The following YWHAB variants were observed in gnomAD, a reference collection of about 807,000 sequenced individuals.
YWHAB encodes tyrosine 3-monooxygenase/tryptophan 5-monooxygenase activation protein beta.
In YWHAB, 2 loss-of-function variants were observed where a neutral mutation model predicts 28.5. The ratio of observed to expected loss-of-function variants is 0.07; its 90% confidence interval spans 0.03 to 0.22. The LOEUF (loss-of-function observed/expected upper bound fraction) is 0.22. YWHAB is among the 10% of genes least tolerant of loss of function. The pLI is 1.00. For missense variants in YWHAB, 148 were observed against 297.1 expected (o/e 0.50, Z 3.69); for synonymous variants, 103 against 104.7 (o/e 0.98, Z 0.10).
intron 4 of YWHAB, chr20:44,905,354 TAG>T (rs1778635275): frequency 9.4e-6 from 4 of 427,540 alleles, no homozygotes; most frequent in African/African-American, 8.2e-5. Context: ...CGGGTGGTTG[TAG>T]AAAGTTCCAG....
rs751971910 is a variant in YWHAB, at chr20:44,901,668, G to T, written c.135G>T (p.Leu45=). Residue 45 remains leucine (L), a synonymous_variant, in exon 2 of 6, where the codon CTG becomes CTT. Coordinates refer to ENST00000353703, the MANE Select transcript of YWHAB (RefSeq NM_139323.4). The part of the protein sequence containing the change: ...GHELSNEERN[L]LSVAYKNVVG... The stretch of plus-strand genomic sequence containing the variant: ...AACTCTCCAACGAAGAGAGAAATCT[G>T]CTCTCTGTTGCCTACAAGAATGTGG... 1 of 1,613,616 alleles carries T rather than the reference G, an allele frequency of 6.2e-7. No homozygotes were observed. Among genetic ancestry groups the T allele is most frequent in the Admixed American group, 1.7e-5 (1 of 59,988 alleles).
At chr20:44,893,065 A>T (rs2066572733) in intron 1 of YWHAB, among the ~76,000 whole-genome samples, 1 of 152,056 alleles carries the variant, frequency 6.6e-6, no homozygotes, top group African/African-American at 2.4e-5. Flanking sequence ...CACTGCCTTT[A>T]TTTAAAAAAA....
At chr20:44,903,036 T>C (rs1245764340) in intron 2 of YWHAB, 5 of 986,016 alleles carry the variant, frequency 5.1e-6, no homozygotes, top group East Asian at 1.1e-4. Context: ...TCTTAACCAG[T>C]TTTTCAGGAT....
At chr20:44,904,210 A>G (rs891198316) in intron 3 of YWHAB, 94 bp downstream of exon 3, 1 of 1,481,430 alleles carries the variant, frequency 6.8e-7, no homozygotes, top group Non-Finnish European at 9.3e-7. Flanking sequence ...TTCGCCATAG[A>G]CACCAATGTC....
chr20:44,892,242 ATTCTCAT>A (rs2066566872), intron 1 of YWHAB, among the ~76,000 whole-genome samples: 1 of 152,098 alleles, frequency 6.6e-6, no homozygotes, highest in South Asian at 2.1e-4. Context: ...TTTCTTCCTT[ATTCTCAT>A]TTCTTTATCT....
intron 1 of YWHAB, among the ~76,000 whole-genome samples, chr20:44,900,146 C>G (rs2066618306): frequency 6.6e-6 from 1 of 151,974 alleles, no homozygotes. Context: ...ACTCTGGGCT[C>G]AAGTGATCCT....
intron 1 of YWHAB, among the ~76,000 whole-genome samples, chr20:44,894,505 T>C (rs1192744256): frequency 6.6e-6 from 1 of 152,214 alleles, no homozygotes; most frequent in Non-Finnish European, 1.5e-5. Context: ...ACATTTAACA[T>C]ATATGTCCAT....
At chr20:44,888,684 A>G (rs1273834051) in intron 1 of YWHAB, among the ~76,000 whole-genome samples, 1 of 152,252 alleles carries the variant, frequency 6.6e-6, no homozygotes, top group East Asian at 1.9e-4. Flanking sequence ...ATTGTGGAGC[A>G]TATACCCATT....
chr20:44,901,462 A>G, intron 1 of YWHAB, 69 bp from the exon 2 acceptor site: 1 of 1,467,540 alleles, frequency 6.8e-7, no homozygotes, highest in Non-Finnish European at 9.2e-7. Flanking sequence ...TTGGAAGAAG[A>G]TTCACACACG....
chr20:44,886,620 G>A (rs62204607), intron 1 of YWHAB: 2 of 152,144 alleles, frequency 1.3e-5, no homozygotes, highest in African/African-American at 4.8e-5. Context: ...AGATTCTTTT[G>A]TGTCTTTACC....
At position 44,906,557 on chromosome 20, in the gene YWHAB, A is replaced by C; in HGVS notation, c.*119A>C. 1 of 893,826 alleles carries C rather than the reference A, an allele frequency of 1.1e-6. No homozygotes were observed. Among genetic ancestry groups the C allele is most frequent in the Non-Finnish European group, 1.6e-6 (1 of 619,780 alleles). 55.4% of individuals were successfully genotyped at this position (893,826 alleles called of 1,614,324 possible). ...ATCGTACGTCGACTTTCGATTTTTC[A>C]CAGCCTCAGCCTAGGAAAAATGGTT... On this transcript the variant is annotated 3_prime_UTR_variant, in exon 6 of 6. Coordinates refer to ENST00000353703, the MANE Select transcript of YWHAB (RefSeq NM_139323.4).
At position 44,901,630 on chromosome 20, in the gene YWHAB, G is replaced by C. The variant is rs761774775; in HGVS notation, c.97G>C (p.Glu33Gln). 10 of 1,614,164 alleles carry C rather than the reference G, an allele frequency of 6.2e-6. No individual in the cohort carries two copies. The highest frequency in any genetic ancestry group is 8.5e-6 in the Non-Finnish European group (10 of 1,180,018). Reference protein sequence around the residue: ...DMAAAMKAVTEQGHELSNEER... With the variant: ...DMAAAMKAVTQQGHELSNEER... ...GGCTGCAGCCATGAAGGCAGTCACA[G>C]AACAGGGGCATGAACTCTCCAACGA... The change falls in exon 2 of 6, where the codon GAA becomes CAA. Residue 33 changes from glutamate (E) to glutamine (Q), a missense_variant. Around this residue, in one of 2 missense-constraint regions of YWHAB, gnomAD observed 110 missense variants for 177.9 expected, o/e 0.62. Transcript: ENST00000353703.
At position 44,893,045 on chromosome 20, in the gene YWHAB, T is replaced by C. The variant is rs79248642; in HGVS notation, c.-4+7159T>C. 8.9e-3 allele frequency among the ~76,000 whole-genome samples: 1,351 copies of C among 152,276 alleles called. 56 individuals are homozygous for C. In the East Asian group the frequency reaches 0.1, roughly 11 times the overall value. ...GCCACAGCTGTCATTTTCAACCCTT[T>C]CTGTCTTTGCACTGCCTTTATTTAA... On this transcript the variant is annotated intron_variant, in intron 1 of 5. Coordinates refer to ENST00000353703, the MANE Select transcript of YWHAB (RefSeq NM_139323.4).
chr20:44,906,154 C>A, intron 5 of YWHAB, 58 bp downstream of exon 5: 2 of 1,379,080 alleles, frequency 1.5e-6, no homozygotes, highest in African/African-American at 1.4e-5. Flanking sequence ...CTTAATAATT[C>A]ACTGTTATCT....
At chr20:44,886,452 C>T (rs1012817177) in intron 1 of YWHAB, 2 of 152,156 alleles carry the variant, frequency 1.3e-5, no homozygotes, top group Non-Finnish European at 2.9e-5. Flanking sequence ...GTTATGGAGC[C>T]TGGCAGGACC....
intron 2 of YWHAB, 199 bp downstream of exon 2, chr20:44,902,032 C>T: frequency 2.0e-6 from 1 of 506,956 alleles, no homozygotes. Context: ...TACATCACTT[C>T]TGAGATACTT....
chr20:44,886,315 A>G lies in YWHAB; in HGVS notation c.-4+429A>G, dbSNP rs115750309. On this transcript the variant is annotated intron_variant, in intron 1 of 5. Coordinates refer to ENST00000353703, the MANE Select transcript of YWHAB (RefSeq NM_139323.4). ...GAAATTAAAATTTAATCAAACGCGG[A>G]TGAGTTTTCTAGCCCCAGTCCCCGT... 5.7e-3 allele frequency: 873 copies of G among 152,502 alleles called. 6 individuals are homozygous for G. The highest frequency in any genetic ancestry group is 0.02 in the African/African-American group (815 of 41,586). 9.4% of individuals were successfully genotyped at this position (152,502 alleles called of 1,614,324 possible).
At chr20:44,896,895 A>ATTT (rs1025686240) in intron 1 of YWHAB, among the ~76,000 whole-genome samples, 5 of 152,196 alleles carry the variant, frequency 3.3e-5, no homozygotes, top group African/African-American at 1.2e-4. Flanking sequence ...TTAGCTATGG[A>ATTT]TTTTGTTTGT....
At position 44,901,639 on chromosome 20, in the gene YWHAB, C is replaced by T. The variant is rs1412953854; in HGVS notation, c.106C>T (p.His36Tyr). 8.1e-6 allele frequency: 13 copies of T among 1,613,988 alleles called. No individual in the cohort carries two copies. The South Asian group carries it at 1.3e-4, about 16-fold the overall frequency. Residue 36 changes from histidine to tyrosine, a missense_variant, in exon 2 of 6, where the codon CAT becomes TAT. Around this residue, in one of 2 missense-constraint regions of YWHAB, gnomAD observed 110 missense variants for 177.9 expected, o/e 0.62. Coordinates refer to ENST00000353703, the MANE Select transcript of YWHAB (RefSeq NM_139323.4). ...AAMKAVTEQG[H>Y]ELSNEERNLL... The stretch of plus-strand genomic sequence containing the variant: ...CATGAAGGCAGTCACAGAACAGGGG[C>T]ATGAACTCTCCAACGAAGAGAGAAA...
Sources: allele counts gnomAD v4.1 joint callset (sites outside exome capture counted in the v4.1 genomes callset), GRCh38; gene constraint gnomAD v4.1.1; regional missense constraint gnomAD v4.1.1; transcripts MANE v1.5; gene names NCBI Gene and HGNC (gene_info 2026-07-23, HGNC 2026-07-21).